The following MTCL1 variants were observed in gnomAD, a reference collection of about 807,000 sequenced individuals.
The protein encoded by MTCL1 is microtubule crosslinking factor 1.
MTCL1 carries 79 observed loss-of-function variants against 141.4 expected under a neutral mutation model. That is an observed-to-expected ratio of 0.56 (90% CI 0.47 to 0.67). The LOEUF (loss-of-function observed/expected upper bound fraction) is 0.67. MTCL1 is among the 30% of genes least tolerant of loss of function. MTCL1 has a pLI of 0.00. For missense variants in MTCL1, 2,177 were observed against 2,113.9 expected (o/e 1.03, Z -0.59); for synonymous variants, 914 against 875.8 (o/e 1.04, Z -0.77).
At chr18:8,718,766 C>T in intron 3 of MTCL1, 118 bp downstream of exon 2, 1 of 918,956 alleles carries the variant, frequency 1.1e-6, no homozygotes, top group Non-Finnish European at 1.7e-6. Context: ...GCAGCATAAA[C>T]AGTCTTGGTT....
chr18:8,823,850 C>T (rs1260112214), intron 14 of MTCL1, among the ~76,000 whole-genome samples: 1 of 152,168 alleles, frequency 6.6e-6, no homozygotes. Context: ...CTGGCCTCAT[C>T]ATCATTAATA....
At chr18:8,760,516 G>GTTAATTTGA (rs2096426653) in intron 4 of MTCL1, among the ~76,000 whole-genome samples, 1 of 152,240 alleles carries the variant, frequency 6.6e-6, no homozygotes, top group South Asian at 2.1e-4. Context: ...CTGCTAGGAA[G>GTTAATTTGA]CAAATGTTAG....
intron 1 of MTCL1, 51 bp downstream of exon 1, chr18:8,706,764 G>A: frequency 2.0e-6 from 3 of 1,537,040 alleles, no homozygotes; most frequent in Non-Finnish European, 8.7e-7. Flanking sequence ...GGAGGGCCTG[G>A]CTGCGGCGGG....
intron 7 of MTCL1, chr18:8,786,325 A>G: frequency 1.4e-6 from 1 of 695,456 alleles, no homozygotes; most frequent in East Asian, 2.8e-5. Context: ...AGCTCACTGT[A>G]GGCACTGTCC....
Position 8,786,110 on chromosome 18 carries a change from T to TCCCCCCCCCA in MTCL1, c.1887+28_1887+29insACCCCCCCCC. ...CCTGGAGGTCAGCGTGGGCAAGCAA[T>TCCCCCCCCCA]CCCCCCCCCCCGCCCTCCCCCTCCT... is the stretch of plus-strand genomic sequence containing the variant. On this transcript the variant is annotated intron_variant, in intron 7 of 16. Transcript: ENST00000359865. 1.1e-5 allele frequency: 14 copies of TCCCCCCCCCA among 1,310,330 alleles called. No homozygotes were observed. The highest frequency in any genetic ancestry group is 7.8e-5 in the South Asian group (6 of 77,198). The allele number at this position is 1,310,330 out of a possible 1,614,324, so 81.2% of individuals were successfully genotyped here. A position where few individuals can be genotyped will look rare whatever the true frequency, so the allele number is the denominator to read the frequency against.
intron 5 of MTCL1, chr18:8,782,675 G>A (rs1193660529): frequency 6.6e-6 from 1 of 152,158 alleles, no homozygotes. Flanking sequence ...GGGTCTCTGG[G>A]TTTAATTTCC....
chr18:8,706,748 G>T lies in MTCL1; in HGVS notation c.1053+35G>T, dbSNP rs577083141. 14 of 1,540,552 alleles carry T rather than the reference G, an allele frequency of 9.1e-6. No individual in the cohort carries two copies. In the East Asian group the frequency reaches 3.0e-4, roughly 32 times the overall value. ...GCCTCGGCCGCAGGTGTCCCGGGGC[G>T]CCCCCGGAGGGCCTGGCTGCGGCGG... On this transcript the variant is annotated intron_variant, in intron 1 of 13. Coordinates refer to the MTCL1 transcript ENST00000306329.
chr18:8,772,010 C>T lies in MTCL1; in HGVS notation c.358-5823C>T, dbSNP rs575838288. Among the ~76,000 whole-genome samples, 126 of 152,344 alleles carry T rather than the reference C, an allele frequency of 8.3e-4. 5 individuals carry two copies. In the South Asian group the frequency reaches 0.017, roughly 21 times the overall value. ...ATGTACACGCAAATTGTCCTGCACC[C>T]GTGGACACTTCACCCAGAGTCCGGT... On this transcript the variant is annotated intron_variant, in intron 4 of 16. Coordinates refer to ENST00000359865, the Ensembl canonical transcript of MTCL1.
At chr18:8,720,061 G>C (rs879463387) in intron 3 of MTCL1, 8 of 319,512 alleles carry the variant, frequency 2.5e-5, no homozygotes, top group African/African-American at 6.4e-5. Context: ...TAGCAGTTTG[G>C]GGGGGTTGGA....
chr18:8,799,344 C>G (rs563821448), intron 10 of MTCL1, among the ~76,000 whole-genome samples: 39 of 152,340 alleles, frequency 2.6e-4, no homozygotes, highest in Non-Finnish European at 4.6e-4. Context: ...CCCCCTGCTC[C>G]CTCTCTGTAC....
At chr18:8,829,473 T>C (rs1411360719) in intron 16 of MTCL1, 2 of 952,628 alleles carry the variant, frequency 2.1e-6, no homozygotes, top group Non-Finnish European at 2.5e-6. Flanking sequence ...TCCTTCCAAG[T>C]GAGCACCGTG....
At chr18:8,720,127 C>CCAG (rs1454332533) in intron 3 of MTCL1, 1 of 527,262 alleles carries the variant, frequency 1.9e-6, no homozygotes, top group Non-Finnish European at 3.3e-6. Context: ...CACCATCAGA[C>CCAG]CAGCCAGAGT....
intron 10 of MTCL1, among the ~76,000 whole-genome samples, chr18:8,799,431 CAAGG>C (rs936424360): frequency 3.3e-5 from 5 of 152,186 alleles, no homozygotes; most frequent in African/African-American, 1.2e-4. Flanking sequence ...TAACATGACT[CAAGG>C]AGGAGATGAT....
intron 5 of MTCL1, among the ~76,000 whole-genome samples, chr18:8,778,950 G>A (rs578231042): frequency 2.0e-5 from 3 of 152,222 alleles, no homozygotes; most frequent in African/African-American, 4.8e-5. Flanking sequence ...CTCCTTGGGC[G>A]CGTGTCAGAA....
intron 4 of MTCL1, among the ~76,000 whole-genome samples, chr18:8,759,545 T>C (rs2096419400): frequency 6.6e-6 from 1 of 152,176 alleles, no homozygotes; most frequent in African/African-American, 2.4e-5. Flanking sequence ...GAGACCCTTC[T>C]AGCAGGAGAG....
At chr18:8,829,867 A>G in intron 16 of MTCL1, 8 of 985,194 alleles carry the variant, frequency 8.1e-6, no homozygotes, top group Non-Finnish European at 6.0e-6. Context: ...ACTAAGGAAA[A>G]GGTTGATTCC....
intron 8 of MTCL1, among the ~76,000 whole-genome samples, chr18:8,793,647 T>C (rs764405785): frequency 6.6e-6 from 1 of 152,192 alleles, no homozygotes. Context: ...TTTGCAGATG[T>C]GGGCACTCGT....
chr18:8,781,533 G>A (rs4797329), intron 5 of MTCL1, among the ~76,000 whole-genome samples: 53,133 of 151,950 alleles, frequency 0.35, 10,174 homozygotes, highest in Admixed American at 0.49. Context: ...ACTCTTTACC[G>A]GCTCCTTTAC....
intron 1 of MTCL1, chr18:8,717,799 G>A (rs1482339628): frequency 3.0e-6 from 2 of 668,194 alleles, no homozygotes; most frequent in Non-Finnish European, 3.7e-6. Flanking sequence ...GTGCATTCCT[G>A]TGGACAGCAA....
Sources: gnomAD v4.1 joint callset for allele counts (sites outside exome capture counted in the v4.1 genomes callset) on GRCh38, gnomAD v4.1.1 for gene constraint, MANE v1.5 for transcripts, NCBI Gene and HGNC (gene_info 2026-07-23, HGNC 2026-07-21) for gene names.